The following DOCK3 variants were observed in gnomAD, a reference collection of about 807,000 sequenced individuals.
DOCK3 encodes the protein dedicator of cytokinesis protein 3.
A neutral mutation model predicts 265.6 loss-of-function variants in DOCK3; 60 were observed. The ratio of observed to expected loss-of-function variants is 0.23; its 90% CI spans 0.18 to 0.28. DOCK3 has a LOEUF of 0.28. Ranked by LOEUF, DOCK3 falls within the 10% of genes least tolerant of loss-of-function variation. The pLI is 1.00. For synonymous variants in DOCK3, 881 were observed against 938.0 expected (o/e 0.94, Z 1.11); for missense variants, 1,981 against 2,594.3 (o/e 0.76, Z 5.14).
intron 3 of DOCK3, among the ~76,000 whole-genome samples, chr3:50,859,965 G>T (rs1253158841): frequency 6.6e-6 from 1 of 152,136 alleles, no homozygotes; most frequent in East Asian, 1.9e-4. Flanking sequence ...GAGTGTTTAT[G>T]TTTCTTTCCC....
chr3:51,156,451 G>T (rs1031323787), intron 10 of DOCK3, among the ~76,000 whole-genome samples: 1 of 151,940 alleles, frequency 6.6e-6, no homozygotes, highest in Non-Finnish European at 1.5e-5. Context: ...TTCTTTTACA[G>T]GTCATGTGAG....
At chr3:51,336,039 A>G (rs2084848572) in intron 35 of DOCK3, among the ~76,000 whole-genome samples, 1 of 151,966 alleles carries the variant, frequency 6.6e-6, no homozygotes, top group Non-Finnish European at 1.5e-5. Flanking sequence ...AGTTGTTGAT[A>G]TGACTCAAGG....
rs563250676 is a variant in DOCK3, at chr3:51,291,918, C to T, written c.2922+11714C>T. On this transcript the variant is annotated intron_variant, in intron 27 of 52. Transcript: ENST00000266037. ...TTCACCATGATCAAGTGGGATTTAT[C>T]GCTGGAATACAAGGTTGGTTCAACA... is the stretch of plus-strand genomic sequence containing the variant. Among the ~76,000 whole-genome samples the T allele has an allele frequency of 6.6e-5, 10 of 152,226 alleles. No individual in the cohort carries two copies. The South Asian group carries it at 1.0e-3, about 16-fold the overall frequency.
At chr3:51,078,218 C>T (rs1238244976) in intron 7 of DOCK3, among the ~76,000 whole-genome samples, 1 of 151,974 alleles carries the variant, frequency 6.6e-6, no homozygotes, top group East Asian at 1.9e-4. Context: ...TACAACAATC[C>T]AAAGAGCTTT....
chr3:51,346,288 C>T (rs544038664), intron 38 of DOCK3, among the ~76,000 whole-genome samples: 4 of 151,142 alleles, frequency 2.6e-5, no homozygotes, highest in Non-Finnish European at 5.9e-5. Context: ...ATCCCTCCCC[C>T]CTCCCACCAC....
chr3:50,782,416 G>C (rs915883693), intron 2 of DOCK3, among the ~76,000 whole-genome samples: 5 of 147,086 alleles, frequency 3.4e-5, no homozygotes, highest in African/African-American at 7.6e-5. Context: ...TCAGCCTCCC[G>C]AGTAGCTGGG....
intron 5 of DOCK3, among the ~76,000 whole-genome samples, chr3:51,014,065 T>C (rs80127151): frequency 0.072 from 10,915 of 152,154 alleles, 989 homozygotes; most frequent in East Asian, 0.33. Context: ...CCCGGTACAG[T>C]CTGTCAAGGC....
chr3:50,750,388 G>A (rs1246990053), intron 1 of DOCK3, among the ~76,000 whole-genome samples: 1 of 137,518 alleles, frequency 7.3e-6, no homozygotes, highest in Non-Finnish European at 1.5e-5. Context: ...AGGCTGGAGT[G>A]TGAGCTATCT....
At chr3:51,138,231 A>G (rs75501169) in intron 9 of DOCK3, among the ~76,000 whole-genome samples, 1 of 152,200 alleles carries the variant, frequency 6.6e-6, no homozygotes, top group Non-Finnish European at 1.5e-5. Flanking sequence ...TCATGGGAAC[A>G]TTGGATAGAT....
At chr3:50,995,148 C>T (rs1318684710) in intron 5 of DOCK3, among the ~76,000 whole-genome samples, 2 of 151,792 alleles carry the variant, frequency 1.3e-5, no homozygotes, top group East Asian at 3.9e-4. Flanking sequence ...TGTTACTTTC[C>T]CATGTTCTTT....
intron 49 of DOCK3, among the ~76,000 whole-genome samples, chr3:51,365,927 G>A (rs965302756): frequency 1.3e-5 from 2 of 152,150 alleles, no homozygotes; most frequent in Admixed American, 1.3e-4. Flanking sequence ...ATGTTCATCA[G>A]GGATATTGGT....
chr3:50,751,439 A>C (rs2039801824), intron 1 of DOCK3, among the ~76,000 whole-genome samples: 1 of 152,170 alleles, frequency 6.6e-6, no homozygotes, highest in Non-Finnish European at 1.5e-5. Context: ...ATGCCTGGAC[A>C]GGCCTCAGTG....
chr3:51,373,612 T>C (rs912365389), intron 49 of DOCK3, among the ~76,000 whole-genome samples: 1 of 152,190 alleles, frequency 6.6e-6, no homozygotes, highest in Non-Finnish European at 1.5e-5. Context: ...TCTGAATCCA[T>C]GGGGACAGAG....
At chr3:51,317,795 C>G (rs1002352761) in intron 32 of DOCK3, among the ~76,000 whole-genome samples, 4 of 151,836 alleles carry the variant, frequency 2.6e-5, no homozygotes, top group Non-Finnish European at 5.9e-5. Context: ...TCACTTAAAA[C>G]TACTTAAAAA....
intron 7 of DOCK3, among the ~76,000 whole-genome samples, chr3:51,084,736 A>C (rs1261493707): frequency 6.6e-6 from 1 of 152,212 alleles, no homozygotes; most frequent in Non-Finnish European, 1.5e-5. Context: ...CCAAATCTTA[A>C]AGGCAAACAA....
intron 2 of DOCK3, among the ~76,000 whole-genome samples, chr3:50,817,750 C>T (rs1388533038): frequency 6.6e-6 from 1 of 151,542 alleles, no homozygotes; most frequent in Non-Finnish European, 1.5e-5. Flanking sequence ...TTCTCTCTTC[C>T]TCAACTCTTT....
chr3:51,180,935 C>T (rs2087255941), intron 12 of DOCK3, among the ~76,000 whole-genome samples: 1 of 152,106 alleles, frequency 6.6e-6, no homozygotes. Flanking sequence ...ATGCACTGAC[C>T]AGAGAAGTTA....
At chr3:50,764,286 C>T (rs777219216) in intron 1 of DOCK3, among the ~76,000 whole-genome samples, 1 of 151,996 alleles carries the variant, frequency 6.6e-6, no homozygotes, top group Non-Finnish European at 1.5e-5. Flanking sequence ...CCTTCATACC[C>T]GTGGGTTCTG....
intron 2 of DOCK3, among the ~76,000 whole-genome samples, chr3:50,801,537 A>G (rs1004816907): frequency 6.6e-6 from 1 of 152,224 alleles, no homozygotes; most frequent in Non-Finnish European, 1.5e-5. Flanking sequence ...ACATACTGAC[A>G]TATTGATACT....
Sources: gnomAD v4.1 joint callset for allele counts (sites outside exome capture counted in the v4.1 genomes callset) on GRCh38, gnomAD v4.1.1 for gene constraint, MANE v1.5 for transcripts, NCBI Gene and HGNC (gene_info 2026-07-23, HGNC 2026-07-21) for gene names.